Variants in IQCM observed in about 807,000 individuals in gnomAD.
IQCM encodes the protein IQ domain-containing protein M.
In IQCM, 45 loss-of-function variants were observed where a neutral mutation model predicts 57.6. The observed-to-expected ratio is 0.78, with a 90% CI of 0.62 to 1.00. The LOEUF (loss-of-function observed/expected upper bound fraction) is 1.00, where lower values mean the gene tolerates loss of function less well. Among genes scored for constraint, IQCM ranks in the 50% least tolerant of loss-of-function variants. The pLI is 0.00. For synonymous variants in IQCM, 148 were observed against 158.9 expected (o/e 0.93, Z 0.51); for missense variants, 468 against 511.6 (o/e 0.91, Z 0.82).
chr4:149,785,928 T>C (rs1330569192), intron 2 of IQCM, among the ~76,000 whole-genome samples: 2 of 152,216 alleles, frequency 1.3e-5, no homozygotes, highest in Non-Finnish European at 2.9e-5. Flanking sequence ...GATGTAACAC[T>C]GAGCCAAAAT....
intron 5 of IQCM, among the ~76,000 whole-genome samples, chr4:149,687,664 C>T (rs2149790922): frequency 6.6e-6 from 1 of 151,776 alleles, no homozygotes. Flanking sequence ...AACTACAGAC[C>T]AATATCCCTG....
intron 13 of IQCM, among the ~76,000 whole-genome samples, chr4:149,432,121 T>A (rs1734927365): frequency 6.6e-6 from 1 of 151,870 alleles, no homozygotes. Flanking sequence ...ATTTAATTTA[T>A]AAGAAAGTAT....
intron 12 of IQCM, among the ~76,000 whole-genome samples, chr4:149,440,754 T>G (rs1042538529): frequency 6.6e-6 from 1 of 152,110 alleles, no homozygotes; most frequent in Non-Finnish European, 1.5e-5. Context: ...TTTTTTAAAT[T>G]TATGTATTAA....
Position 149,690,971 on chromosome 4 carries a change from C to T in IQCM, c.386-4503G>A, listed in dbSNP as rs578036772. The T allele has an allele frequency of 1.2e-4, 18 of 152,232 alleles. No individual in the cohort carries two copies. In the South Asian group the frequency reaches 3.7e-3, roughly 32 times the overall value. The allele number at this position is 152,232 out of a possible 1,614,324, so 9.4% of individuals were successfully genotyped here. A position where few individuals can be genotyped will look rare whatever the true frequency, so the allele number is the denominator to read the frequency against. Reference sequence around the variant, plus strand: ...ATTCATCAGTAAAAGTGGGTAATTTCTGCCTTGTTTACTTCAGAAGGTAAC... The same window carrying T: ...ATTCATCAGTAAAAGTGGGTAATTTTTGCCTTGTTTACTTCAGAAGGTAAC... On this transcript the variant is annotated intron_variant, in intron 5 of 13. Coordinates refer to ENST00000636793, the MANE Select transcript of IQCM (RefSeq NM_001363507.2).
intron 8 of IQCM, among the ~76,000 whole-genome samples, chr4:149,595,594 G>T (rs1753700584): frequency 6.6e-6 from 1 of 152,136 alleles, no homozygotes; most frequent in Admixed American, 6.6e-5. Context: ...AGCGCCTTCT[G>T]TGAAATAGCA....
intron 7 of IQCM, among the ~76,000 whole-genome samples, chr4:149,638,179 T>A (rs975483228): frequency 6.6e-6 from 1 of 152,178 alleles, no homozygotes; most frequent in African/African-American, 2.4e-5. Flanking sequence ...TGTGAGAAAG[T>A]GCCTAGCATC....
At chr4:149,598,360 T>A (rs1753967549) in intron 8 of IQCM, among the ~76,000 whole-genome samples, 1 of 152,098 alleles carries the variant, frequency 6.6e-6, no homozygotes, top group African/African-American at 2.4e-5. Flanking sequence ...GAGTTTAAGG[T>A]AAAATACATT....
chr4:149,741,197 T>G (rs1423823268), intron 3 of IQCM, among the ~76,000 whole-genome samples: 2 of 152,152 alleles, frequency 1.3e-5, no homozygotes, highest in East Asian at 1.9e-4. Context: ...CAGTTCTAAA[T>G]TAAAGGCACT....
chr4:149,549,474 C>T (rs1019366232), intron 11 of IQCM, among the ~76,000 whole-genome samples: 1 of 152,050 alleles, frequency 6.6e-6, no homozygotes, highest in Non-Finnish European at 1.5e-5. Flanking sequence ...GCCGAGATCC[C>T]GCCACTGCAC....
At chr4:149,789,240 C>T (rs922337788) in intron 2 of IQCM, among the ~76,000 whole-genome samples, 6 of 152,126 alleles carry the variant, frequency 3.9e-5, no homozygotes, top group Admixed American at 6.5e-5. Context: ...ATTCTATGCA[C>T]GCAACAAAAT....
At chr4:149,408,736 C>CTTTACT (rs1039525348) in intron 13 of IQCM, among the ~76,000 whole-genome samples, 10 of 152,192 alleles carry the variant, frequency 6.6e-5, no homozygotes, top group Non-Finnish European at 1.3e-4. Context: ...TCATTTGAGG[C>CTTTACT]TTTTCTTTTT....
intron 13 of IQCM, among the ~76,000 whole-genome samples, chr4:149,372,798 T>TG (rs1730450307): frequency 6.6e-6 from 1 of 152,148 alleles, no homozygotes; most frequent in African/African-American, 2.4e-5. Context: ...CATAGTTCCT[T>TG]GGTTTTGAGG....
chr4:149,724,330 T>G (rs1267049912), intron 5 of IQCM, among the ~76,000 whole-genome samples: 1 of 152,100 alleles, frequency 6.6e-6, no homozygotes, highest in East Asian at 1.9e-4. Context: ...ACAAAGTCAT[T>G]TTTTTCTGAT....
intron 12 of IQCM, among the ~76,000 whole-genome samples, chr4:149,455,498 G>C (rs952619062): frequency 2.0e-5 from 3 of 152,042 alleles, no homozygotes; most frequent in African/African-American, 7.2e-5. Context: ...GAAGACATGA[G>C]GACATGAAGA....
chr4:149,592,976 T>C (rs560994052), intron 8 of IQCM, among the ~76,000 whole-genome samples: 1 of 152,312 alleles, frequency 6.6e-6, no homozygotes, highest in African/African-American at 2.4e-5. Context: ...TAAAATAGTT[T>C]TTTCCAATTC....
intron 7 of IQCM, among the ~76,000 whole-genome samples, chr4:149,647,096 T>G (rs1758707725): frequency 6.6e-6 from 1 of 152,196 alleles, no homozygotes; most frequent in Admixed American, 6.6e-5. Flanking sequence ...TTACTTTTTA[T>G]TATGTTGTTT....
At chr4:149,356,296 G>A (rs569498160) in intron 13 of IQCM, among the ~76,000 whole-genome samples, 69 of 152,266 alleles carry the variant, frequency 4.5e-4, no homozygotes, top group African/African-American at 1.7e-3. Flanking sequence ...TGCTTTTGGT[G>A]TTTTAGACAT....
intron 7 of IQCM, among the ~76,000 whole-genome samples, chr4:149,646,471 A>G (rs1386960500): frequency 2.6e-5 from 4 of 152,076 alleles, no homozygotes; most frequent in African/African-American, 9.7e-5. Context: ...CTTTTCTGTT[A>G]GTCTATTATA....
chr4:149,617,358 A>G (rs1433353144), intron 8 of IQCM, among the ~76,000 whole-genome samples: 1 of 152,196 alleles, frequency 6.6e-6, no homozygotes, highest in Non-Finnish European at 1.5e-5. Context: ...ACGAAAGGGG[A>G]ATCCTTACTA....
Sources: allele counts gnomAD v4.1 joint callset (sites outside exome capture counted in the v4.1 genomes callset), GRCh38; gene constraint gnomAD v4.1.1; transcripts MANE v1.5; gene names NCBI Gene and HGNC (gene_info 2026-07-23, HGNC 2026-07-21).